Variants in PRPSAP2 observed in about 807,000 individuals in gnomAD.
PRPSAP2 encodes phosphoribosyl pyrophosphate synthase-associated protein 2.
In PRPSAP2, 24 loss-of-function variants were observed where a neutral mutation model predicts 40.6. That is an observed-to-expected ratio of 0.59 (90% CI 0.43 to 0.83). The LOEUF is 0.83. Ranked by LOEUF, PRPSAP2 falls within the 40% of genes least tolerant of loss-of-function variation. The probability of loss-of-function intolerance (pLI) is 0.00; values close to 1 mark genes in which losing one functional copy is unlikely to be tolerated. For missense variants in PRPSAP2, 292 were observed against 465.6 expected (o/e 0.63, Z 3.43); for synonymous variants, 149 against 164.7 (o/e 0.90, Z 0.73).
intron 8 of PRPSAP2, among the ~76,000 whole-genome samples, chr17:18,909,486 C>T (rs1413138851): frequency 4.6e-5 from 7 of 151,952 alleles, no homozygotes; most frequent in East Asian, 2.0e-4. Context: ...CCTCATGATC[C>T]GCCCACCTTG....
intron 10 of PRPSAP2, chr17:18,928,211 T>TCCC (rs1340476267): frequency 1.9e-5 from 3 of 158,688 alleles, no homozygotes; most frequent in African/African-American, 7.2e-5. Flanking sequence ...GGGTTTAAAA[T>TCCC]AACTCTGGGA....
intron 8 of PRPSAP2, among the ~76,000 whole-genome samples, chr17:18,897,715 G>C (rs1180673524): frequency 2.6e-5 from 4 of 152,100 alleles, no homozygotes. Flanking sequence ...TGCCTGCCTT[G>C]GCCTCCCAAA....
At chr17:18,921,255 CT>C (rs1425082704) in intron 9 of PRPSAP2, among the ~76,000 whole-genome samples, 2 of 147,470 alleles carry the variant, frequency 1.4e-5, no homozygotes, top group African/African-American at 2.7e-5. Context: ...GGATAAAACA[CT>C]TTTCCCATAC....
At chr17:18,924,531 C>T (rs923825673) in intron 10 of PRPSAP2, among the ~76,000 whole-genome samples, 3 of 150,910 alleles carry the variant, frequency 2.0e-5, no homozygotes, top group African/African-American at 7.3e-5. Flanking sequence ...CACTTTGGGA[C>T]GCCAAGGCAG....
intron 6 of PRPSAP2, among the ~76,000 whole-genome samples, chr17:18,879,432 A>G (rs1012025743): frequency 2.6e-5 from 4 of 151,576 alleles, no homozygotes; most frequent in African/African-American, 9.7e-5. Flanking sequence ...TTGCAGGCAC[A>G]CACCAACATG....
intron 8 of PRPSAP2, chr17:18,905,081 T>A (rs1038575256): frequency 6.6e-6 from 1 of 152,238 alleles, no homozygotes; most frequent in South Asian, 2.1e-4. Context: ...TGGCATGCAA[T>A]GGCACGATCT....
chr17:18,874,685 TGGG>T (rs2038141677), intron 5 of PRPSAP2, among the ~76,000 whole-genome samples: 1 of 152,162 alleles, frequency 6.6e-6, no homozygotes, highest in Admixed American at 6.5e-5. Context: ...GAGCTGGAGG[TGGG>T]GGCACGGAGC....
At chr17:18,860,028 G>A (rs557650057) in intron 1 of PRPSAP2, among the ~76,000 whole-genome samples, 7 of 151,968 alleles carry the variant, frequency 4.6e-5, no homozygotes, top group African/African-American at 1.7e-4. Context: ...ACAAGCGTGA[G>A]CCACCATGCC....
chr17:18,885,007 G>T (rs1324383918), intron 7 of PRPSAP2, among the ~76,000 whole-genome samples: 1 of 152,178 alleles, frequency 6.6e-6, no homozygotes, highest in African/African-American at 2.4e-5. Flanking sequence ...GCAAGGTCAG[G>T]CTGGAAGCCT....
chr17:18,884,933 C>T (rs1048092134), intron 7 of PRPSAP2, among the ~76,000 whole-genome samples: 2 of 152,156 alleles, frequency 1.3e-5, no homozygotes, highest in Non-Finnish European at 2.9e-5. Flanking sequence ...GGCAATTGCA[C>T]CTCTTAAGGG....
At chr17:18,926,219 C>G (rs367664149) in intron 10 of PRPSAP2, among the ~76,000 whole-genome samples, 1 of 151,806 alleles carries the variant, frequency 6.6e-6, no homozygotes, top group African/African-American at 2.4e-5. Flanking sequence ...CCTTTCCCCC[C>G]GTTCTAGTGC....
intron 6 of PRPSAP2, among the ~76,000 whole-genome samples, chr17:18,878,530 G>A (rs565558713): frequency 1.3e-5 from 2 of 152,096 alleles, no homozygotes; most frequent in South Asian, 4.2e-4. Flanking sequence ...GTGTGTGCGC[G>A]CTTGTATAAG....
At chr17:18,885,164 G>T (rs981779581) in intron 7 of PRPSAP2, among the ~76,000 whole-genome samples, 1 of 152,038 alleles carries the variant, frequency 6.6e-6, no homozygotes, top group South Asian at 2.1e-4. Flanking sequence ...ACTTTGAGAG[G>T]CTGAGGAGGT....
At chr17:18,928,785 A>G (rs763926308) in intron 10 of PRPSAP2, 26 bp from the exon 11 acceptor site, 78 of 1,612,428 alleles carry the variant, frequency 4.8e-5, no homozygotes, top group Non-Finnish European at 6.5e-5. Context: ...GCTCATATAC[A>G]TTCTTTTCCA....
At chr17:18,864,231 C>G (rs117164639) in intron 1 of PRPSAP2, among the ~76,000 whole-genome samples, 1 of 151,784 alleles carries the variant, frequency 6.6e-6, no homozygotes. Context: ...CTGATAAGAA[C>G]CCTCACTTCT....
At chr17:18,871,094 A>T (rs2037828164) in intron 4 of PRPSAP2, among the ~76,000 whole-genome samples, 1 of 152,046 alleles carries the variant, frequency 6.6e-6, no homozygotes, top group Admixed American at 6.6e-5. Flanking sequence ...ATCTTGGCTT[A>T]CTGCAACCTC....
At chr17:18,873,556 TAAC>T (rs1483818610) in intron 5 of PRPSAP2, among the ~76,000 whole-genome samples, 1 of 152,164 alleles carries the variant, frequency 6.6e-6, no homozygotes, top group African/African-American at 2.4e-5. Flanking sequence ...TCCTAACAAT[TAAC>T]AGCCAGAATT....
chr17:18,874,136 C>T (rs2038101374), intron 5 of PRPSAP2, among the ~76,000 whole-genome samples: 1 of 152,186 alleles, frequency 6.6e-6, no homozygotes, highest in Middle Eastern at 3.4e-3. Context: ...AACTTTTGGC[C>T]TCAAGTGATC....
At chr17:18,886,514 C>G (rs1212005801) in intron 7 of PRPSAP2, among the ~76,000 whole-genome samples, 1 of 152,054 alleles carries the variant, frequency 6.6e-6, no homozygotes, top group South Asian at 2.1e-4. Context: ...CCTACCACCA[C>G]GCCTGGCTAA....
Sources: gnomAD v4.1 joint callset for allele counts (sites outside exome capture counted in the v4.1 genomes callset) on GRCh38, gnomAD v4.1.1 for gene constraint, MANE v1.5 for transcripts, NCBI Gene and HGNC (gene_info 2026-07-23, HGNC 2026-07-21) for gene names.